The following ANKRD13A variants were observed in gnomAD, a reference collection of about 807,000 sequenced individuals.
ANKRD13A encodes the protein ankyrin repeat domain-containing protein 13A.
Under a neutral mutation model 81.3 loss-of-function variants are expected in ANKRD13A, and 48 were observed. That is an observed-to-expected ratio of 0.59 (90% CI 0.47 to 0.75). The LOEUF (loss-of-function observed/expected upper bound fraction) is 0.75. Among genes scored for constraint, ANKRD13A ranks in the 30% least tolerant of loss-of-function variants. The probability of loss-of-function intolerance (pLI) is 0.00; values close to 1 mark genes in which losing one functional copy is unlikely to be tolerated. For synonymous variants in ANKRD13A, 230 were observed against 270.1 expected (o/e 0.85, Z 1.45); for missense variants, 612 against 734.0 (o/e 0.83, Z 1.92).
intron 1 of ANKRD13A, among the ~76,000 whole-genome samples, chr12:110,003,034 T>C (rs1890061654): frequency 6.6e-6 from 1 of 152,240 alleles, no homozygotes; most frequent in South Asian, 2.1e-4. Flanking sequence ...AGTTGGTTGC[T>C]GAAGTTGAAA....
intron 1 of ANKRD13A, among the ~76,000 whole-genome samples, chr12:110,008,497 G>A (rs1406414979): frequency 1.3e-5 from 2 of 152,078 alleles, no homozygotes; most frequent in South Asian, 2.1e-4. Context: ...ATAATAGTGG[G>A]TTCATAAAAT....
intron 1 of ANKRD13A, among the ~76,000 whole-genome samples, chr12:110,002,855 C>T (rs1015186478): frequency 3.9e-5 from 6 of 152,110 alleles, no homozygotes; most frequent in East Asian, 1.9e-4. Flanking sequence ...AGGATAAGCA[C>T]GTGTTTCTGT....
intron 11 of ANKRD13A, 120 bp from the exon 12 acceptor site, chr12:110,030,525 G>A: frequency 2.0e-6 from 1 of 489,974 alleles, no homozygotes; most frequent in Non-Finnish European, 3.4e-6. Context: ...GGGTTGTTAT[G>A]AGGCTTAAAT....
rs942545043 is a variant in ANKRD13A, at chr12:110,001,000, G to A, written c.96+1216G>A. Among the ~76,000 whole-genome samples, 5 of 151,336 alleles carry A rather than the reference G, an allele frequency of 3.3e-5. No individual in the cohort carries two copies. The South Asian group carries it at 1.0e-3, about 32-fold the overall frequency. On this transcript the variant is annotated intron_variant, in intron 1 of 14. Coordinates refer to ENST00000261739, the MANE Select transcript of ANKRD13A (RefSeq NM_033121.2). ...TCAAACTCCCGACCTCAGGTGATCC[G>A]CCCGCCTCAGCCTCCCAAAGTGCTG...
chr12:110,015,026 T>C (rs1890722389), intron 3 of ANKRD13A, among the ~76,000 whole-genome samples: 1 of 152,090 alleles, frequency 6.6e-6, no homozygotes, highest in Non-Finnish European at 1.5e-5. Context: ...TCCGCCCGCC[T>C]CGGCCTCCCA....
Position 110,018,229 on chromosome 12 carries a change from T to A in ANKRD13A, c.401-116T>A. The A allele has an allele frequency of 9.1e-7, 1 of 1,102,698 alleles. No homozygotes were observed. The highest frequency in any genetic ancestry group is 1.3e-6 in the Non-Finnish European group (1 of 780,478). The allele number at this position is 1,102,698 out of a possible 1,614,324, so 68.3% of individuals were successfully genotyped here. A position where few individuals can be genotyped will look rare whatever the true frequency, so the allele number is the denominator to read the frequency against. On this transcript the variant is annotated intron_variant, in intron 4 of 14. Transcript: ENST00000261739. The surrounding 1 kb of genome is among the most constrained non-coding windows in gnomAD (Gnocchi z 4.4). The stretch of plus-strand genomic sequence containing the variant: ...TATGAAAGCCAAGAAGTCCGTTGTT[T>A]GATGGTCACCATCTTGCCACTCCCC...
At chr12:110,026,693 C>A (rs947764208) in intron 8 of ANKRD13A, among the ~76,000 whole-genome samples, 1 of 152,032 alleles carries the variant, frequency 6.6e-6, no homozygotes, top group African/African-American at 2.4e-5. Context: ...ACCAGCCTGG[C>A]CAATATGGTG....
chr12:110,014,455 A>AT (rs976816099), intron 3 of ANKRD13A, among the ~76,000 whole-genome samples: 1 of 152,132 alleles, frequency 6.6e-6, no homozygotes, highest in Admixed American at 6.5e-5. Context: ...AAGGATTTTA[A>AT]TTTTTTTACT....
chr12:110,028,408 G>C, intron 9 of ANKRD13A, 104 bp from the exon 10 acceptor site: 1 of 1,392,310 alleles, frequency 7.2e-7, no homozygotes, highest in Non-Finnish European at 9.8e-7. Context: ...GAACTTCCCG[G>C]TCTTTAGCTG....
intron 9 of ANKRD13A, 64 bp from the exon 10 acceptor site, chr12:110,028,447 GC>G: frequency 6.3e-7 from 1 of 1,589,696 alleles, no homozygotes; most frequent in Non-Finnish European, 8.6e-7. Flanking sequence ...GACACTGAGT[GC>G]CACAGGCCTT....
chr12:110,037,399 T>G lies in ANKRD13A; in HGVS notation c.1618T>G (p.Cys540Gly). Reference sequence around the variant, plus strand: ...CCTCCTCACCAGCACAGAAGGCCTGTGCCCCAGCGCCCTGAGCGAGACAAG... The same window carrying G: ...CCTCCTCACCAGCACAGAAGGCCTGGGCCCCAGCGCCCTGAGCGAGACAAG... The part of the protein sequence containing the change: ...ESLLTSTEGL[C>G]PSALSETSRF... Residue 540 changes from cysteine to glycine, a missense_variant, in exon 15 of 15, where the codon TGC (cysteine) becomes GGC (glycine). Transcript: ENST00000261739. 6.2e-7 allele frequency: 1 copy of G among 1,614,210 alleles called. No individual in the cohort carries two copies. The highest frequency in any genetic ancestry group is 1.1e-5 in the South Asian group (1 of 91,088).
chr12:110,015,019 G>T (rs1265126854), intron 3 of ANKRD13A, among the ~76,000 whole-genome samples: 1 of 151,778 alleles, frequency 6.6e-6, no homozygotes, highest in Admixed American at 6.6e-5. Flanking sequence ...CTCGTGATCC[G>T]CCCGCCTCGG....
intron 6 of ANKRD13A, 86 bp downstream of exon 6, chr12:110,019,414 TG>T: frequency 3.1e-6 from 4 of 1,297,060 alleles, no homozygotes; most frequent in Non-Finnish European, 4.2e-6. Flanking sequence ...AAATTATGGA[TG>T]GATTGGGCTT....
chr12:110,007,547 A>G (rs1890302095), intron 1 of ANKRD13A, among the ~76,000 whole-genome samples: 1 of 151,716 alleles, frequency 6.6e-6, no homozygotes, highest in Non-Finnish European at 1.5e-5. Context: ...CGCCCGGCTA[A>G]TTTTGTATTT....
intron 9 of ANKRD13A, chr12:110,027,971 T>C: frequency 1.8e-6 from 1 of 570,252 alleles, no homozygotes; most frequent in Admixed American, 3.1e-5. Flanking sequence ...GGAGGGGTAG[T>C]GATTATAGAA....
At chr12:110,030,442 C>T (rs1444467038) in intron 11 of ANKRD13A, among the ~76,000 whole-genome samples, 4 of 152,136 alleles carry the variant, frequency 2.6e-5, no homozygotes, top group Non-Finnish European at 4.4e-5. Flanking sequence ...GCTGGGATTA[C>T]AGGTGTAAGC....
rs1340623523 is a variant in ANKRD13A, at chr12:110,013,151, G to A, written c.256G>A (p.Asp86Asn). Residue 86 changes from aspartate (D) to asparagine (N), a missense_variant, in exon 3 of 15, where the codon GAT becomes AAT. Physicochemically the swap from Asp to Asn is conservative, Grantham distance 23. Transcript: ENST00000261739. Reference protein sequence around the residue: ...TVLHEAVSTGDPEMVYTVLQH... With the variant: ...TVLHEAVSTGNPEMVYTVLQH... The stretch of plus-strand genomic sequence containing the variant: ...TTTACATGAGGCTGTGAGCACTGGC[G>A]ATCCTGAGATGGTGTACACAGTTCT... 6.2e-7 allele frequency: 1 copy of A among 1,614,132 alleles called. No homozygotes were observed. The highest frequency in any genetic ancestry group is 1.3e-5 in the African/African-American group (1 of 75,038).
At chr12:110,001,112 A>G (rs1482122632) in intron 1 of ANKRD13A, among the ~76,000 whole-genome samples, 3 of 151,268 alleles carry the variant, frequency 2.0e-5, no homozygotes, top group Admixed American at 1.3e-4. Context: ...GGTGCCCTCA[A>G]GTTTCAAGCT....
At chr12:110,009,650 AT>A (rs1245759800) in intron 1 of ANKRD13A, among the ~76,000 whole-genome samples, 2 of 151,890 alleles carry the variant, frequency 1.3e-5, no homozygotes, top group African/African-American at 2.4e-5. Context: ...CAATTACAGC[AT>A]TTTTTTTCGA....
Sources: allele counts gnomAD v4.1 joint callset (sites outside exome capture counted in the v4.1 genomes callset), GRCh38; gene constraint gnomAD v4.1.1; non-coding constraint Gnocchi (gnomAD v3.1); transcripts MANE v1.5; gene names NCBI Gene and HGNC (gene_info 2026-07-23, HGNC 2026-07-21).